CNTNAP5: variants seen among roughly 807,000 people sequenced by gnomAD.
The protein encoded by CNTNAP5 is contactin associated protein family member 5.
CNTNAP5 carries 72 observed loss-of-function variants against 150.2 expected under a neutral mutation model. The ratio of observed to expected loss-of-function variants is 0.48; its 90% CI spans 0.40 to 0.58. The LOEUF is 0.58. Among genes scored for constraint, CNTNAP5 ranks in the 20% least tolerant of loss-of-function variants. The pLI, the probability that CNTNAP5 is intolerant of heterozygous loss-of-function variation, is 0.00. For synonymous variants in CNTNAP5, 672 were observed against 619.8 expected (o/e 1.08, Z -1.25); for missense variants, 1,636 against 1,626.2 (o/e 1.01, Z -0.10).
chr2:124,655,425 T>G (rs1173939062), intron 13 of CNTNAP5, among the ~76,000 whole-genome samples: 1 of 152,106 alleles, frequency 6.6e-6, no homozygotes, highest in Admixed American at 6.5e-5. Context: ...CCCAAGTCTT[T>G]GTTACTGTAA....
intron 1 of CNTNAP5, among the ~76,000 whole-genome samples, chr2:124,041,923 G>A (rs1253346781): frequency 3.9e-5 from 6 of 152,072 alleles, no homozygotes; most frequent in Admixed American, 3.9e-4. Context: ...GTGCAGTGGG[G>A]CCATCTCACC....
At chr2:124,875,086 G>A (rs1677826047) in intron 21 of CNTNAP5, among the ~76,000 whole-genome samples, 1 of 152,010 alleles carries the variant, frequency 6.6e-6, no homozygotes, top group Non-Finnish European at 1.5e-5. Flanking sequence ...AGTTCTGATT[G>A]CATCTATAGA....
rs192073445 is a variant in CNTNAP5 at position 124,472,094 on chromosome 2, A to G, written c.919-2645A>G. 3.3e-5 allele frequency among the ~76,000 whole-genome samples: 5 copies of G among 152,198 alleles called. No homozygotes were observed. The East Asian group carries it at 9.7e-4, about 29-fold the overall frequency. ...TGATCTAAATGCTTGACAAAAGAAA[A>G]CTAGAGCTCAAACTAATTTATTACT... On this transcript the variant is annotated intron_variant, in intron 6 of 23. Coordinates refer to ENST00000682447, the MANE Select transcript of CNTNAP5 (RefSeq NM_001367498.1).
At chr2:124,547,668 C>CA (rs757041249) in intron 10 of CNTNAP5, among the ~76,000 whole-genome samples, 62 of 152,274 alleles carry the variant, frequency 4.1e-4, no homozygotes, top group Middle Eastern at 3.4e-3. Context: ...GTGGCTGGTC[C>CA]AGCCAGGCCA....
chr2:124,804,533 A>G (rs953394229), intron 19 of CNTNAP5, among the ~76,000 whole-genome samples: 13 of 152,206 alleles, frequency 8.5e-5, no homozygotes, highest in African/African-American at 3.1e-4. Context: ...ATTAGGTTAA[A>G]TGAAATTATA....
intron 17 of CNTNAP5, among the ~76,000 whole-genome samples, chr2:124,788,608 T>C (rs1681650584): frequency 6.6e-6 from 1 of 150,758 alleles, no homozygotes; most frequent in African/African-American, 2.4e-5. Context: ...TCTTTCTTTT[T>C]TTTTTTTTTT....
At chr2:124,329,389 G>A (rs1481086252) in intron 3 of CNTNAP5, among the ~76,000 whole-genome samples, 1 of 152,100 alleles carries the variant, frequency 6.6e-6, no homozygotes, top group East Asian at 1.9e-4. Context: ...CAGTCAGATA[G>A]GGGAACTTCC....
intron 12 of CNTNAP5, among the ~76,000 whole-genome samples, chr2:124,635,700 G>C (rs1677956930): frequency 6.6e-6 from 1 of 152,168 alleles, no homozygotes. Flanking sequence ...TTTCCAAGGA[G>C]AGATGATGAA....
At chr2:124,281,628 CAAG>C (rs1688013687) in intron 3 of CNTNAP5, among the ~76,000 whole-genome samples, 3 of 152,248 alleles carry the variant, frequency 2.0e-5, no homozygotes, top group African/African-American at 7.2e-5. Context: ...AGTTAAGCGA[CAAG>C]AAGAAGCCAA....
chr2:124,405,741 C>T (rs1439350553), intron 3 of CNTNAP5, among the ~76,000 whole-genome samples: 1 of 152,198 alleles, frequency 6.6e-6, no homozygotes, highest in Non-Finnish European at 1.5e-5. Context: ...CTTAGGTCTG[C>T]CTAGTTTAGA....
At chr2:124,502,965 A>G (rs1694311302) in intron 7 of CNTNAP5, among the ~76,000 whole-genome samples, 1 of 152,216 alleles carries the variant, frequency 6.6e-6, no homozygotes. Context: ...GAAGAAAATA[A>G]TACATTACGG....
At chr2:124,851,961 T>C (rs1307563567) in intron 19 of CNTNAP5, among the ~76,000 whole-genome samples, 1 of 152,078 alleles carries the variant, frequency 6.6e-6, no homozygotes, top group Non-Finnish European at 1.5e-5. Flanking sequence ...CTTGAGGCTG[T>C]AAATGAGAGG....
rs569974854 is a variant in CNTNAP5 at position 124,202,007 on chromosome 2, A to G, written c.83-19698A>G. Among the ~76,000 whole-genome samples, 4 of 152,284 alleles carry G rather than the reference A, an allele frequency of 2.6e-5. No individual in the cohort carries two copies. In the East Asian group the frequency reaches 7.7e-4, roughly 29 times the overall value. On this transcript the variant is annotated intron_variant, in intron 1 of 23. Transcript: ENST00000682447. ...CGTAATCAAAATCTGAGTCATATAC[A>G]TATTATATGTATATTTTATACATAT...
At chr2:124,228,234 C>A (rs1177684051) in intron 2 of CNTNAP5, among the ~76,000 whole-genome samples, 2 of 152,036 alleles carry the variant, frequency 1.3e-5, no homozygotes, top group South Asian at 4.1e-4. Context: ...ATATTCCAGC[C>A]CCAGGAGAGA....
chr2:124,576,174 ATATG>A (rs1558960924), intron 11 of CNTNAP5, among the ~76,000 whole-genome samples: 11 of 144,208 alleles, frequency 7.6e-5, no homozygotes, highest in African/African-American at 3.0e-4. Context: ...ATATCTATAT[ATATG>A]TGCAGAAAAC....
chr2:124,264,375 C>T (rs1687544769), intron 3 of CNTNAP5, among the ~76,000 whole-genome samples: 1 of 38,672 alleles, frequency 2.6e-5, no homozygotes, highest in South Asian at 2.0e-3. Context: ...CACACACAGG[C>T]ACACACACAC....
chr2:124,436,109 A>T (rs1030332796), intron 5 of CNTNAP5, among the ~76,000 whole-genome samples: 1 of 152,206 alleles, frequency 6.6e-6, no homozygotes, highest in African/African-American at 2.4e-5. Context: ...AATGAAGTTG[A>T]ACCTCCCAGT....
chr2:124,710,923 A>G (rs1187039347), intron 13 of CNTNAP5, among the ~76,000 whole-genome samples: 1 of 152,050 alleles, frequency 6.6e-6, no homozygotes, highest in Non-Finnish European at 1.5e-5. Flanking sequence ...GTTGTAGTAG[A>G]TTCTTCTTTC....
Position 124,713,293 on chromosome 2 carries a change from CTTTCTTTCTTCTTTCT to C in CNTNAP5, c.2078-33935_2078-33920del, listed in dbSNP as rs1558746798. 4.6e-4 allele frequency among the ~76,000 whole-genome samples: 46 copies of C among 99,064 alleles called. 1 individual carries two copies. The highest frequency in any genetic ancestry group is 5.6e-3 in the Middle Eastern group (1 of 180). The allele number at this position is 99,064 out of a possible 152,430, so 65.0% of individuals were successfully genotyped here. ...TCTTTCTTTCTTTCTTTCTTTCTTT[CTTTCTTTCTTCTTTCT>C]CTTTCTTTCCTTTCTTTCTTTCTTT... On this transcript the variant is annotated intron_variant, in intron 13 of 23. Transcript: ENST00000682447.
Sources: allele counts gnomAD v4.1 joint callset (sites outside exome capture counted in the v4.1 genomes callset), GRCh38; gene constraint gnomAD v4.1.1; transcripts MANE v1.5; gene names NCBI Gene and HGNC (gene_info 2026-07-23, HGNC 2026-07-21).